Variants in PCDH15 observed in about 807,000 individuals in gnomAD.
PCDH15 encodes protocadherin related 15.
A neutral mutation model predicts 178.5 loss-of-function variants in PCDH15; 129 were observed. The ratio of observed to expected loss-of-function variants is 0.72; its 90% CI spans 0.63 to 0.84. PCDH15 has a LOEUF of 0.84. PCDH15 is among the 40% of genes least tolerant of loss of function. The probability of loss-of-function intolerance (pLI) is 0.00; values close to 1 mark genes in which losing one functional copy is unlikely to be tolerated. For synonymous variants in PCDH15, 800 were observed against 732.0 expected (o/e 1.09, Z -1.50); for missense variants, 2,230 against 2,099.9 (o/e 1.06, Z -1.21).
intron 1 of PCDH15, among the ~76,000 whole-genome samples, chr10:54,672,167 G>C (rs1447073027): frequency 6.6e-6 from 1 of 151,676 alleles, no homozygotes; most frequent in Non-Finnish European, 1.5e-5. Context: ...CAAGTTCAGA[G>C]CTCCCACTGA....
intron 15 of PCDH15, among the ~76,000 whole-genome samples, chr10:54,132,498 C>T (rs542939007): frequency 6.6e-6 from 1 of 152,120 alleles, no homozygotes; most frequent in Admixed American, 6.5e-5. Context: ...CACAAGACTG[C>T]ATCAAAAATA....
In PCDH15 at chr10:53,840,344, G is replaced by T; in HGVS notation, c.3959C>A (p.Ala1320Asp). 1 of 1,614,106 alleles carries T rather than the reference G, an allele frequency of 6.2e-7. No individual in the cohort carries two copies. Among genetic ancestry groups the T allele is most frequent in the African/African-American group, 1.3e-5 (1 of 75,032 alleles). The change falls in exon 29 of 38, where the codon GCC becomes GAC. Residue 1320 changes from alanine (A) to aspartate (D), a missense_variant. Ala to Asp is a moderately radical substitution (Grantham distance 126, BLOSUM62 -2). Transcript: ENST00000644397. Reference sequence around the variant, plus strand: ...CTTAAAAAGCTCATTTCTATCGATGGCTCTGTTGGTTTGGGGGTCAATTGC... The same window carrying T: ...CTTAAAAAGCTCATTTCTATCGATGTCTCTGTTGGTTTGGGGGTCAATTGC... The part of the protein sequence containing the change: ...VYAIDPQTNR[A>D]IDRNELFKFL...
At chr10:54,131,718 A>G (rs1379962355) in intron 15 of PCDH15, among the ~76,000 whole-genome samples, 1 of 152,222 alleles carries the variant, frequency 6.6e-6, no homozygotes, top group East Asian at 1.9e-4. Flanking sequence ...GCTATCAGTA[A>G]TCAGTAGGAT....
intron 15 of PCDH15, among the ~76,000 whole-genome samples, chr10:54,122,014 C>G (rs11497831): frequency 0.016 from 2,418 of 149,556 alleles, 72 homozygotes; most frequent in African/African-American, 0.056. Context: ...CACACACACA[C>G]ACACACACAC....
At chr10:55,510,181 A>G (rs1840848233) in intron 2 of PCDH15, among the ~76,000 whole-genome samples, 1 of 152,030 alleles carries the variant, frequency 6.6e-6, no homozygotes, top group East Asian at 1.9e-4. Flanking sequence ...ATAGTAAGTT[A>G]TCACAATGTT....
chr10:55,327,583 G>A (rs931466107), intron 2 of PCDH15, among the ~76,000 whole-genome samples: 15 of 151,940 alleles, frequency 9.9e-5, no homozygotes, highest in African/African-American at 3.6e-4. Flanking sequence ...CATTTAAAAT[G>A]TACTTTAATG....
At chr10:55,099,178 T>C (rs540951012) in intron 2 of PCDH15, among the ~76,000 whole-genome samples, 1 of 152,228 alleles carries the variant, frequency 6.6e-6, no homozygotes, top group African/African-American at 2.4e-5. Flanking sequence ...TTCTCCTTTA[T>C]GTTGGTTTTC....
intron 1 of PCDH15, among the ~76,000 whole-genome samples, chr10:55,182,728 T>C (rs190926997): frequency 6.6e-6 from 1 of 152,028 alleles, no homozygotes. Flanking sequence ...GCACAAAGTC[T>C]ATGGAAAGAA....
chr10:55,124,347 T>G (rs373417369), intron 2 of PCDH15, among the ~76,000 whole-genome samples: 1 of 152,152 alleles, frequency 6.6e-6, no homozygotes, highest in Non-Finnish European at 1.5e-5. Context: ...TGGTTATATA[T>G]GGATAAAATT....
At chr10:55,361,527 CT>C (rs1200060917) in intron 2 of PCDH15, among the ~76,000 whole-genome samples, 1 of 151,892 alleles carries the variant, frequency 6.6e-6, no homozygotes, top group Non-Finnish European at 1.5e-5. Context: ...GTTTACTCTG[CT>C]TTGATTTGAT....
intron 1 of PCDH15, among the ~76,000 whole-genome samples, chr10:54,708,114 A>G (rs4935119): frequency 0.12 from 18,491 of 152,160 alleles, 1,260 homozygotes; most frequent in African/African-American, 0.17. Context: ...TAACATAAAC[A>G]TCAAGTTATG....
intron 2 of PCDH15, among the ~76,000 whole-genome samples, chr10:55,088,740 T>C (rs1842241500): frequency 6.6e-6 from 1 of 152,182 alleles, no homozygotes; most frequent in Admixed American, 6.6e-5. Context: ...CTATTTTTAA[T>C]ACATTACATA....
intron 2 of PCDH15, among the ~76,000 whole-genome samples, chr10:55,028,931 G>A (rs1442434253): frequency 2.6e-5 from 4 of 151,826 alleles, no homozygotes; most frequent in African/African-American, 7.3e-5. Context: ...TCTGTTTCAC[G>A]TAATCATAGT....
intron 2 of PCDH15, among the ~76,000 whole-genome samples, chr10:55,604,889 T>TA (rs1332855205): frequency 6.8e-6 from 1 of 146,056 alleles, no homozygotes; most frequent in Non-Finnish European, 1.5e-5. Context: ...AAGAAATAAC[T>TA]AAAATCAGAG....
intron 2 of PCDH15, among the ~76,000 whole-genome samples, chr10:55,387,827 A>G (rs1335461922): frequency 6.6e-6 from 1 of 152,086 alleles, no homozygotes; most frequent in Non-Finnish European, 1.5e-5. Flanking sequence ...ATATAACTTC[A>G]TAGAACACAC....
In PCDH15 at chr10:54,392,701, C is replaced by T. The variant is rs547776460; in HGVS notation, c.158-13759G>A. 2.0e-4 allele frequency among the ~76,000 whole-genome samples: 30 copies of T among 151,600 alleles called. No individual in the cohort carries two copies. In the South Asian group the frequency reaches 2.1e-3, roughly 11 times the overall value. On this transcript the variant is annotated intron_variant, in intron 3 of 37. Transcript: ENST00000644397. ...ATCACTTAAGGTCAGGAGTTTGAGA[C>T]CAGCCTGGCCAACATAGTGAAACCC...
At chr10:55,196,143 T>C (rs535552317) in intron 1 of PCDH15, among the ~76,000 whole-genome samples, 2 of 152,206 alleles carry the variant, frequency 1.3e-5, no homozygotes, top group Admixed American at 1.3e-4. Context: ...TTAATTTTCC[T>C]CACCTCTGCT....
chr10:54,577,724 G>A (rs1020094375), intron 2 of PCDH15, among the ~76,000 whole-genome samples: 22 of 151,980 alleles, frequency 1.4e-4, no homozygotes, highest in Admixed American at 4.6e-4. Context: ...CTTACCCAGT[G>A]TGCCCACTAA....
intron 1 of PCDH15, among the ~76,000 whole-genome samples, chr10:55,299,329 T>C (rs1843210571): frequency 6.6e-6 from 1 of 152,130 alleles, no homozygotes; most frequent in South Asian, 2.1e-4. Flanking sequence ...GCTTTTTTAA[T>C]TAAAGGTGTT....
Sources: gnomAD v4.1 joint callset for allele counts (sites outside exome capture counted in the v4.1 genomes callset) on GRCh38, gnomAD v4.1.1 for gene constraint, MANE v1.5 for transcripts, NCBI Gene and HGNC (gene_info 2026-07-23, HGNC 2026-07-21) for gene names.